SYNE1: variants seen among roughly 807,000 people sequenced by gnomAD.
SYNE1 encodes nesprin-1.
In SYNE1, 616 loss-of-function variants were observed where a neutral mutation model predicts 1,111.0. The ratio of observed to expected loss-of-function variants is 0.55; its 90% CI spans 0.52 to 0.59. The LOEUF (loss-of-function observed/expected upper bound fraction) is 0.59. Among genes scored for constraint, SYNE1 ranks in the 20% least tolerant of loss-of-function variants. SYNE1 has a pLI of 0.00. For synonymous variants in SYNE1, 3,855 were observed against 3,825.8 expected, an observed-to-expected ratio of 1.01 and a Z score of -0.28; for missense variants, 10,006 against 10,417.0, an observed-to-expected ratio of 0.96 and a Z score of 1.72.
chr6:152,158,639 T>C (rs1183898669), intron 131 of SYNE1, among the ~76,000 whole-genome samples: 1 of 152,184 alleles, frequency 6.6e-6, no homozygotes, highest in East Asian at 1.9e-4. Context: ...CTAAAAAATA[T>C]AAAATGAAGT....
intron 73 of SYNE1, among the ~76,000 whole-genome samples, chr6:152,345,216 C>T (rs926082764): frequency 2.6e-5 from 4 of 152,114 alleles, no homozygotes; most frequent in Admixed American, 2.0e-4. Context: ...TTGGCTTTTC[C>T]AACATCCACC....
At chr6:152,456,104 AAGAG>A in intron 22 of SYNE1, 60 bp from the exon 23 acceptor site, 1 of 1,565,552 alleles carries the variant, frequency 6.4e-7, no homozygotes, top group South Asian at 1.1e-5. Context: ...GAGAGAAAGA[AAGAG>A]AGTGACCATT....
At chr6:152,254,345 G>A (rs944991723) in intron 104 of SYNE1, among the ~76,000 whole-genome samples, 6 of 137,310 alleles carry the variant, frequency 4.4e-5, no homozygotes, top group Non-Finnish European at 9.1e-5. Context: ...TCTGCGTCCC[G>A]GGTTCAAGCG....
At position 152,414,012 on chromosome 6, in the gene SYNE1, T is replaced by C. The variant is rs201746566; in HGVS notation, c.6051-481A>G. Among the ~76,000 whole-genome samples the C allele has an allele frequency of 3.7e-3, 393 of 107,378 alleles. 2 individuals are homozygous for C. Among genetic ancestry groups the C allele is most frequent in the Non-Finnish European group, 5.7e-3 (294 of 51,394 alleles). 70.4% of individuals were successfully genotyped at this position (107,378 alleles called of 152,430 possible). A position where few individuals can be genotyped will look rare whatever the true frequency, so the allele number is the denominator to read the frequency against. On this transcript the variant is annotated intron_variant, in intron 41 of 145. Coordinates refer to ENST00000367255, the MANE Select transcript of SYNE1 (RefSeq NM_182961.4). ...TATATATATATATATATATATACTTTTTTTTTTTAAACTTAAATTACCTAC... is the reference window on the plus strand; with the variant it reads ...TATATATATATATATATATATACTTCTTTTTTTTAAACTTAAATTACCTAC...
intron 128 of SYNE1, among the ~76,000 whole-genome samples, chr6:152,184,437 CAAAAAAAAAA>C (rs199660419): frequency 2.9e-5 from 3 of 104,750 alleles, no homozygotes; most frequent in African/African-American, 1.0e-4. Context: ...AACTCTGTTT[CAAAAAAAAAA>C]AAAAAAAAAG....
rs375344467 is a variant in SYNE1 at position 152,330,958 on chromosome 6, T to C, written c.13727A>G (p.His4576Arg). The C allele has an allele frequency of 6.2e-6, 10 of 1,614,108 alleles. No individual in the cohort carries two copies. Among genetic ancestry groups the C allele is most frequent in the Non-Finnish European group, 8.5e-6 (10 of 1,180,044 alleles). ...HFKEDFDKAC[H>R]WLKQADIVTF... ...AACAATATCTGCTTGTTTTAGCCAGTGGCAAGCTTTATCAAAATCTTCCTT... is the reference window on the plus strand; with the variant it reads ...AACAATATCTGCTTGTTTTAGCCAGCGGCAAGCTTTATCAAAATCTTCCTT... Residue 4576 changes from histidine (H) to arginine (R), a missense_variant, in exon 78 of 146, where the codon CAC (histidine) becomes CGC (arginine). His to Arg is a conservative substitution (Grantham distance 29). Coordinates refer to ENST00000367255, the MANE Select transcript of SYNE1 (RefSeq NM_182961.4).
chr6:152,623,214 A>T (rs1340455577), intron 3 of SYNE1, among the ~76,000 whole-genome samples: 2 of 152,132 alleles, frequency 1.3e-5, no homozygotes, highest in African/African-American at 2.4e-5. Flanking sequence ...CAAACATCTG[A>T]TCTTTGACAA....
chr6:152,332,174 A>C (rs1296409781), intron 77 of SYNE1, among the ~76,000 whole-genome samples: 1 of 152,110 alleles, frequency 6.6e-6, no homozygotes, highest in African/African-American at 2.4e-5. Flanking sequence ...GGGTTTCACC[A>C]TGTTGGTCAG....
intron 66 of SYNE1, 127 bp from the exon 67 acceptor site, chr6:152,355,103 G>T: frequency 9.9e-7 from 1 of 1,008,426 alleles, no homozygotes; most frequent in Non-Finnish European, 1.5e-6. Flanking sequence ...TTATTATTAT[G>T]CCCTATACAA....
At chr6:152,225,280 AACAC>A (rs57426642) in intron 116 of SYNE1, among the ~76,000 whole-genome samples, 20 of 146,992 alleles carry the variant, frequency 1.4e-4, no homozygotes, top group South Asian at 2.1e-4. Context: ...CATATGCGCA[AACAC>A]ACACACACAC....
chr6:152,417,521 C>CAAAAAAAA (rs1554664101), intron 40 of SYNE1, among the ~76,000 whole-genome samples: 4 of 151,644 alleles, frequency 2.6e-5, no homozygotes, highest in African/African-American at 4.9e-5. Context: ...AACAAACAAA[C>CAAAAAAAA]AAACACAACT....
At chr6:152,625,394 A>C (rs2099683724) in intron 3 of SYNE1, among the ~76,000 whole-genome samples, 1 of 152,224 alleles carries the variant, frequency 6.6e-6, no homozygotes, top group Non-Finnish European at 1.5e-5. Flanking sequence ...CAATTTGTGA[A>C]GTCACACTCG....
chr6:152,207,223 G>A (rs1458579596), intron 125 of SYNE1, among the ~76,000 whole-genome samples: 1 of 152,124 alleles, frequency 6.6e-6, no homozygotes. Flanking sequence ...AGTGTGATGG[G>A]AAAGGGAGAA....
At position 152,256,646 on chromosome 6, in the gene SYNE1, C is replaced by T. The variant is rs780172385; in HGVS notation, c.19092G>A (p.Glu6364=). ...LLDGLNQAFE[E]VSSQSGGAKR... is the part of the protein sequence containing the mutation. ...AACACAGCCTTACCTGGGATGAAAC[C>T]TCCTCGAAGGCTTGGTTCAGTCCAT... Residue 6364 remains glutamate, a synonymous_variant, in exon 102 of 146, where the codon GAG becomes GAA. Coordinates refer to ENST00000367255, the MANE Select transcript of SYNE1 (RefSeq NM_182961.4). 6.2e-7 allele frequency: 1 copy of T among 1,613,590 alleles called. No individual in the cohort carries two copies. The highest frequency in any genetic ancestry group is 1.1e-5 in the South Asian group (1 of 91,072).
chr6:152,297,781 CTGTGTGTG>C (rs377152081), intron 93 of SYNE1, among the ~76,000 whole-genome samples: 8,795 of 119,828 alleles, frequency 0.073, 402 homozygotes, highest in African/African-American at 0.17. Context: ...CAGTCTCACT[CTGTGTGTG>C]TGTGTGTGTG....
Position 152,330,792 on chromosome 6 carries a change from T to C in SYNE1, c.13893A>G (p.Pro4631=), listed in dbSNP as rs948033516. 9.9e-6 allele frequency: 16 copies of C among 1,613,942 alleles called. No homozygotes were observed. The highest frequency in any genetic ancestry group is 1.3e-5 in the Non-Finnish European group (15 of 1,180,036). The change falls in exon 78 of 146, where the codon CCA becomes CCG. Residue 4631 remains proline (P), a synonymous_variant. Transcript: ENST00000367255. ...TLQRTGQTIL[P]SLNEVDHSYL... ...AGGAATGATCGACTTCATTCAGCGATGGTAATATGGTCTGCCCAGTTCTCT... is the reference window on the plus strand; with the variant it reads ...AGGAATGATCGACTTCATTCAGCGACGGTAATATGGTCTGCCCAGTTCTCT...
In SYNE1 at chr6:152,232,284, G is replaced by C. The variant is rs763428655; in HGVS notation, c.20713-19C>G. ...TCTGGAGCTGTCCAAGTCAGGGAGA[G>C]AACCAGTCCCAAGTGTTAAAATGGA... On this transcript the variant is annotated intron_variant, in intron 112 of 145. Transcript: ENST00000367255. The C allele has an allele frequency of 2.5e-6, 4 of 1,613,570 alleles. No individual in the cohort carries two copies. The highest frequency in any genetic ancestry group is 3.4e-6 in the Non-Finnish European group (4 of 1,179,788).
In SYNE1 at chr6:152,541,747, C is replaced by CAAA. The variant is rs1267855271; in HGVS notation, c.68-1729_68-1727dup. Among the ~76,000 whole-genome samples, 168 of 60,110 alleles carry CAAA rather than the reference C, an allele frequency of 2.8e-3. 1 individual carries two copies. The highest frequency in any genetic ancestry group is 5.9e-3 in the East Asian group (13 of 2,222). The allele number at this position is 60,110 out of a possible 152,430, so 39.4% of individuals were successfully genotyped here. A position where few individuals can be genotyped will look rare whatever the true frequency, so the allele number is the denominator to read the frequency against. On this transcript the variant is annotated intron_variant, in intron 3 of 145. Coordinates refer to ENST00000367255, the MANE Select transcript of SYNE1 (RefSeq NM_182961.4). ...TGGGCGTCAGAGTGAGACTCCATCT[C>CAAA]AAAAAAAAAAAAAAAAAAGAAAAGA...
At chr6:152,131,370 C>T (rs1165621734) in intron 144 of SYNE1, among the ~76,000 whole-genome samples, 8 of 149,126 alleles carry the variant, frequency 5.4e-5, no homozygotes. Flanking sequence ...ATACATTTAT[C>T]AGCATAGAAC....
Sources: allele counts gnomAD v4.1 joint callset (sites outside exome capture counted in the v4.1 genomes callset), GRCh38; gene constraint gnomAD v4.1.1; transcripts MANE v1.5; gene names NCBI Gene and HGNC (gene_info 2026-07-23, HGNC 2026-07-21).